KANSL1: variants seen among roughly 807,000 people sequenced by gnomAD.
The protein encoded by KANSL1 is KAT8 regulatory NSL complex subunit 1.
KANSL1 carries 22 observed loss-of-function variants against 103.6 expected under a neutral mutation model. That is an observed-to-expected ratio of 0.21 (90% CI 0.15 to 0.30). The LOEUF (loss-of-function observed/expected upper bound fraction) is 0.30. KANSL1 is among the 10% of genes least tolerant of loss of function. The pLI is 1.00. For synonymous variants in KANSL1, 600 were observed against 527.6 expected, an observed-to-expected ratio of 1.14 and a Z score of -1.88; for missense variants, 1,337 against 1,399.8, an observed-to-expected ratio of 0.96 and a Z score of 0.72.
chr17:46,126,169 T>C (rs553883582), intron 2 of KANSL1, among the ~76,000 whole-genome samples: 1 of 152,006 alleles, frequency 6.6e-6, no homozygotes, highest in South Asian at 2.1e-4. Flanking sequence ...AAAGTAAAAG[T>C]CGGCCGGGCA....
At chr17:46,215,675 G>A (rs548144678) in intron 1 of KANSL1, among the ~76,000 whole-genome samples, 1 of 152,354 alleles carries the variant, frequency 6.6e-6, no homozygotes, top group African/African-American at 2.4e-5. Flanking sequence ...CTGGCTGGGT[G>A]ACACTACCGC....
chr17:46,097,223 A>T (rs1173257539), intron 2 of KANSL1, among the ~76,000 whole-genome samples: 1 of 152,260 alleles, frequency 6.6e-6, no homozygotes, highest in Non-Finnish European at 1.5e-5. Context: ...ATGTATCAAC[A>T]TGATTAAATC....
chr17:46,179,773 A>C (rs138760708), intron 1 of KANSL1, among the ~76,000 whole-genome samples: 293 of 152,358 alleles, frequency 1.9e-3, no homozygotes, highest in African/African-American at 6.5e-3. Context: ...AGGTTAAAAG[A>C]AATGAACAAT....
chr17:46,119,253 G>A (rs2043175138), intron 2 of KANSL1, among the ~76,000 whole-genome samples: 1 of 152,090 alleles, frequency 6.6e-6, no homozygotes, highest in Admixed American at 6.5e-5. Flanking sequence ...ATTTGTCAGA[G>A]AAGCAAGCAC....
chr17:46,055,601 A>C (rs1274274215), intron 6 of KANSL1, among the ~76,000 whole-genome samples: 2 of 152,178 alleles, frequency 1.3e-5, no homozygotes, highest in Non-Finnish European at 2.9e-5. Flanking sequence ...GAATCTTAAT[A>C]GACTTGAGGG....
intron 2 of KANSL1, 70 bp from the exon 3 acceptor site, chr17:46,094,771 G>A: frequency 1.3e-6 from 2 of 1,586,582 alleles, no homozygotes; most frequent in Non-Finnish European, 1.7e-6. Context: ...GGGGTGGGGA[G>A]TGGAATTTAA....
At chr17:46,102,922 C>T (rs2042381988) in intron 2 of KANSL1, among the ~76,000 whole-genome samples, 1 of 152,158 alleles carries the variant, frequency 6.6e-6, no homozygotes, top group Non-Finnish European at 1.5e-5. Context: ...TCTAGAAAGA[C>T]TTGTGATATA....
intron 2 of KANSL1, among the ~76,000 whole-genome samples, chr17:46,130,547 G>A (rs1190082679): frequency 3.9e-5 from 6 of 152,192 alleles, no homozygotes; most frequent in Non-Finnish European, 8.8e-5. Flanking sequence ...AACAGTTCAG[G>A]AAAGGATAGA....
At chr17:46,164,859 GTTTT>G (rs1230023921) in intron 2 of KANSL1, among the ~76,000 whole-genome samples, 1 of 152,246 alleles carries the variant, frequency 6.6e-6, no homozygotes, top group Non-Finnish European at 1.5e-5. Context: ...CCTATAGCTA[GTTTT>G]TAGCAGAAGA....
intron 2 of KANSL1, among the ~76,000 whole-genome samples, chr17:46,119,761 T>C (rs2043201524): frequency 6.6e-6 from 1 of 152,252 alleles, no homozygotes. Context: ...ACTAAGTTCC[T>C]ACCATAATTA....
chr17:46,187,119 A>C (rs563551670), intron 1 of KANSL1, among the ~76,000 whole-genome samples: 12 of 152,310 alleles, frequency 7.9e-5, no homozygotes, highest in Non-Finnish European at 1.6e-4. Flanking sequence ...TTCCCTTCAC[A>C]CCCTCTGGTG....
At chr17:46,158,162 A>T (rs1195170818) in intron 2 of KANSL1, among the ~76,000 whole-genome samples, 1 of 152,288 alleles carries the variant, frequency 6.6e-6, no homozygotes, top group Non-Finnish European at 1.5e-5. Flanking sequence ...GACGGTGCAA[A>T]AAGCACTAAG....
At chr17:46,150,803 C>G (rs1918793) in intron 2 of KANSL1, among the ~76,000 whole-genome samples, 1 of 151,868 alleles carries the variant, frequency 6.6e-6, no homozygotes, top group Non-Finnish European at 1.5e-5. Flanking sequence ...TCTTGTGAAA[C>G]AGATGTTACC....
chr17:46,058,417 ACAAGGAATTTACCTGC>A (rs927430644), intron 6 of KANSL1, among the ~76,000 whole-genome samples: 1 of 152,216 alleles, frequency 6.6e-6, no homozygotes, highest in Admixed American at 6.5e-5. Flanking sequence ...CTAACAAATG[ACAAGGAATTTACCTGC>A]CAGCAAAACA....
In KANSL1 at chr17:46,210,957, G is replaced by C. The variant is rs535132482; in HGVS notation, c.-90+12714C>G. ...GGGCCCAAAGTGGCAATTCCAGAAGGGCACGCTTCAACTCAAGCTTTCTAA... is the reference window on the plus strand; with the variant it reads ...GGGCCCAAAGTGGCAATTCCAGAAGCGCACGCTTCAACTCAAGCTTTCTAA... On this transcript the variant is annotated intron_variant, in intron 1 of 14. Coordinates refer to the KANSL1 transcript ENST00000572904. 7.2e-5 allele frequency among the ~76,000 whole-genome samples: 11 copies of C among 152,176 alleles called. No homozygotes were observed. In the South Asian group the frequency reaches 2.1e-3, roughly 29 times the overall value.
At chr17:46,051,375 T>C (rs2077706374) in intron 6 of KANSL1, among the ~76,000 whole-genome samples, 1 of 148,080 alleles carries the variant, frequency 6.8e-6, no homozygotes, top group African/African-American at 2.4e-5. Context: ...TCATGTTAGA[T>C]TAATTCCAAA....
intron 2 of KANSL1, among the ~76,000 whole-genome samples, chr17:46,096,153 C>CT (rs67515292): frequency 0.14 from 18,336 of 126,620 alleles, 1,775 homozygotes; most frequent in Middle Eastern, 0.22. Flanking sequence ...TTTTTTTTTT[C>CT]CTGAGAGGCA....
At chr17:46,113,000 C>T (rs1359416395) in intron 2 of KANSL1, among the ~76,000 whole-genome samples, 1 of 152,128 alleles carries the variant, frequency 6.6e-6, no homozygotes, top group Non-Finnish European at 1.5e-5. Flanking sequence ...GGATTACAGG[C>T]GTGAGCCACC....
rs777308407 is a variant in KANSL1, at chr17:46,170,914, C to T, written c.1230G>A (p.Glu410=). ...SDVTDSSSGG[E]SDIEEEELTR... The stretch of plus-strand genomic sequence containing the variant: ...TCAGTTCTTCCTCTTCAATATCAGA[C>T]TCCCCTCCTGAACTACTGTCAGTGA... The change falls in exon 2 of 15, where the codon GAG becomes GAA. Residue 410 remains glutamate, a synonymous_variant. Transcript: ENST00000432791. The T allele has an allele frequency of 1.2e-6, 2 of 1,614,076 alleles. No homozygotes were observed. The highest frequency in any genetic ancestry group is 2.2e-5 in the East Asian group (1 of 44,886).
Sources: gnomAD v4.1 joint callset for allele counts (sites outside exome capture counted in the v4.1 genomes callset) on GRCh38, gnomAD v4.1.1 for gene constraint, MANE v1.5 for transcripts, NCBI Gene and HGNC (gene_info 2026-07-23, HGNC 2026-07-21) for gene names.